COL5A3: variants seen among roughly 807,000 people sequenced by gnomAD.
COL5A3 encodes the protein collagen type V alpha 3 chain.
A neutral mutation model predicts 250.0 loss-of-function variants in COL5A3; 172 were observed. That is an observed-to-expected ratio of 0.69 (90% CI 0.61 to 0.78). The LOEUF is 0.78. Ranked by LOEUF, COL5A3 falls within the 30% of genes least tolerant of loss-of-function variation. COL5A3 has a pLI of 0.00. For missense variants in COL5A3, 2,340 were observed against 2,334.4 expected, an observed-to-expected ratio of 1.00 and a Z score of -0.05; for synonymous variants, 937 against 900.4, an observed-to-expected ratio of 1.04 and a Z score of -0.73.
intron 52 of COL5A3, 87 bp downstream of exon 52, chr19:9,971,118 C>A: frequency 7.1e-7 from 1 of 1,406,726 alleles, no homozygotes; most frequent in African/African-American, 1.5e-5. Context: ...GTTTTTGGTT[C>A]CACTGTCAGT....
rs2087496614 is a variant in COL5A3, at chr19:10,009,575, T to A, written c.88+723A>T. On this transcript the variant is annotated intron_variant, in intron 1 of 66. Transcript: ENST00000264828. The surrounding 1 kb of genome is among the most constrained non-coding windows in gnomAD (Gnocchi z 4.4). ...CACCGCGGCCCTCCCCGAAGCCCTG[T>A]CCATGGTGCTGATCGCGGCTCTGGG... 6.6e-6 allele frequency among the ~76,000 whole-genome samples: 1 copy of A among 151,940 alleles called. No individual in the cohort carries two copies. Among genetic ancestry groups the A allele is most frequent in the Admixed American group, 6.5e-5 (1 of 15,274 alleles).
chr19:9,980,454 T>C (rs1465255149), intron 35 of COL5A3, among the ~76,000 whole-genome samples, 194 bp downstream of exon 35: 1 of 152,104 alleles, frequency 6.6e-6, no homozygotes, highest in Non-Finnish European at 1.5e-5. Context: ...TTCCAACTCC[T>C]GGGCTCAAGC....
chr19:9,980,159 A>T lies in COL5A3; in HGVS notation c.2605-112T>A, dbSNP rs1251414010. On this transcript the variant is annotated intron_variant, in intron 35 of 66. Coordinates refer to ENST00000264828, the MANE Select transcript of COL5A3 (RefSeq NM_015719.4). ...ACATATTGAGTGCTTACTGCATGCC[A>T]GGCATGGGCAGGGCATTCTCCACAA... The T allele has an allele frequency of 2.4e-5, 24 of 1,000,626 alleles. 1 individual carries two copies. Among genetic ancestry groups the T allele is most frequent in the African/African-American group, 3.3e-5 (2 of 60,304 alleles). 62.0% of individuals were successfully genotyped at this position (1,000,626 alleles called of 1,614,324 possible).
chr19:10,008,884 G>A (rs2087481886), intron 1 of COL5A3, among the ~76,000 whole-genome samples: 1 of 152,108 alleles, frequency 6.6e-6, no homozygotes, highest in Non-Finnish European at 1.5e-5. Context: ...GGTTGTGAAT[G>A]TTGACAGTGT....
At position 9,973,611 on chromosome 19, in the gene COL5A3, C is replaced by T; in HGVS notation, c.3625G>A (p.Asp1209Asn). 6.2e-7 allele frequency: 1 copy of T among 1,612,980 alleles called. No individual in the cohort carries two copies. The highest frequency in any genetic ancestry group is 1.1e-5 in the South Asian group (1 of 90,882). ...GAVGEKGERG[D>N]AGDPGPPGAP... ...CCTGGAGGCCCTGGGTCTCCAGCGT[C>T]CCCTCGCTCACCCTGCAGGAGGCAA... Residue 1209 changes from aspartate to asparagine, a missense_variant, in exon 50 of 67, where the codon GAC (aspartate) becomes AAC (asparagine). By Grantham distance (23) the Asp-to-Asn change is conservative. Coordinates refer to ENST00000264828, the MANE Select transcript of COL5A3 (RefSeq NM_015719.4).
At chr19:9,966,797 A>G (rs1398238335) in intron 62 of COL5A3, 51 bp from the exon 63 acceptor site, 6 of 1,395,694 alleles carry the variant, frequency 4.3e-6, no homozygotes, top group African/African-American at 1.4e-5. Context: ...GGGGAGGGAG[A>G]GAGAGGGAGA....
chr19:9,986,899 G>T (rs2087108607), intron 27 of COL5A3, 141 bp from the exon 28 acceptor site: 2 of 915,006 alleles, frequency 2.2e-6, no homozygotes, highest in African/African-American at 1.7e-5. Flanking sequence ...CAGAAGAAAT[G>T]ATCTTTCCCC....
chr19:9,961,461 C>T (rs753216539), intron 65 of COL5A3, among the ~76,000 whole-genome samples: 5 of 151,952 alleles, frequency 3.3e-5, no homozygotes, highest in African/African-American at 4.8e-5. Context: ...ATCTCCTGAG[C>T]TCAAGTCATC....
intron 27 of COL5A3, among the ~76,000 whole-genome samples, chr19:9,987,023 A>G (rs1449158625): frequency 1.3e-5 from 2 of 152,196 alleles, no homozygotes; most frequent in African/African-American, 2.4e-5. Flanking sequence ...CTTTGTCCAC[A>G]GTTCCTTCTG....
At chr19:9,972,640 A>C (rs996489574) in intron 51 of COL5A3, among the ~76,000 whole-genome samples, 5 of 152,090 alleles carry the variant, frequency 3.3e-5, no homozygotes, top group African/African-American at 1.2e-4. Flanking sequence ...GATCGAGACC[A>C]TCCTGGCCAA....
rs754662419 is a variant in COL5A3 at position 9,960,495 on chromosome 19, G to A, written c.5154C>T (p.Pro1718=). ...AGTCAGTGGCCGCCACATCCCACAG[G>A]GGCAGAAATCCCGCTCGAGAAGAGC... ...EFSSSRAGFL[P]LWDVAATDFG... Residue 1718 remains proline, a synonymous_variant, in exon 67 of 67, where the codon CCC becomes CCT. Transcript: ENST00000264828. The A allele has an allele frequency of 3.1e-6, 5 of 1,614,190 alleles. No individual in the cohort carries two copies. In the South Asian group the frequency reaches 4.4e-5, roughly 14 times the overall value.
rs376339665 is a variant in COL5A3 at position 9,991,182 on chromosome 19, C to T, written c.1992+428G>A. Among the ~76,000 whole-genome samples the T allele has an allele frequency of 4.6e-5, 7 of 152,322 alleles. 1 individual carries two copies. The East Asian group carries it at 5.8e-4, about 13-fold the overall frequency. ...ACCTCGCCTGGGGAAGTCAAGGCTG[C>T]AGTGAGGCATTATTGAGCCACTGCA... On this transcript the variant is annotated intron_variant, in intron 24 of 66. Transcript: ENST00000264828.
In COL5A3 at chr19:9,983,604, AAGAG is replaced by A. The variant is rs1157519587; in HGVS notation, c.2407-1490_2407-1487del. 1.3e-4 allele frequency among the ~76,000 whole-genome samples: 13 copies of A among 99,838 alleles called. No homozygotes were observed. In the East Asian group the frequency reaches 3.9e-3, roughly 30 times the overall value. The allele number at this position is 99,838 out of a possible 152,430, so 65.5% of individuals were successfully genotyped here. A position where few individuals can be genotyped will look rare whatever the true frequency, so the allele number is the denominator to read the frequency against. Reference sequence around the variant, plus strand: ...AGAAAGAAAGAAAGAAAGAAAGAGAAAGAGAGAGAGAGAGAAAGAAAGAAAGAAG... The same window carrying A: ...AGAAAGAAAGAAAGAAAGAAAGAGAAAGAGAGAGAGAAAGAAAGAAAGAAG... On this transcript the variant is annotated intron_variant, in intron 31 of 66. Transcript: ENST00000264828.
intron 64 of COL5A3, among the ~76,000 whole-genome samples, chr19:9,964,583 G>A (rs906856111): frequency 6.6e-6 from 1 of 152,090 alleles, no homozygotes; most frequent in Non-Finnish European, 1.5e-5. Flanking sequence ...TAGCCTGGGT[G>A]ACAGAGTGAG....
chr19:9,990,310 C>T (rs1020607173), intron 24 of COL5A3, among the ~76,000 whole-genome samples: 15 of 148,980 alleles, frequency 1.0e-4, no homozygotes, highest in Non-Finnish European at 1.3e-4. Flanking sequence ...GGCAGAATCA[C>T]TTGAACCCGG....
chr19:9,983,732 A>T (rs2087054605), intron 31 of COL5A3, among the ~76,000 whole-genome samples: 1 of 150,470 alleles, frequency 6.6e-6, no homozygotes, highest in Admixed American at 6.6e-5. Context: ...AAGAAAAAAG[A>T]GGGGGACGCA....
In COL5A3 at chr19:9,974,881, TTTTG is replaced by T. The variant is rs554414499; in HGVS notation, c.3343-477_3343-474del. Among the ~76,000 whole-genome samples the T allele has an allele frequency of 4.5e-3, 681 of 152,004 alleles. 1 individual carries two copies. Among genetic ancestry groups the T allele is most frequent in the Non-Finnish European group, 5.9e-3 (401 of 67,964 alleles). On this transcript the variant is annotated intron_variant, in intron 45 of 66. Transcript: ENST00000264828. Reference sequence around the variant, plus strand: ...ATAAGGCTTTTGTTTGTTTGTTTGTTTTTGTTTGTTTGTTTTTGTTTTTTGTTTT... The same window carrying T: ...ATAAGGCTTTTGTTTGTTTGTTTGTTTTTGTTTGTTTTTGTTTTTTGTTTT...
In COL5A3 at chr19:9,966,642, T is replaced by A; in HGVS notation, c.4563A>T (p.Thr1521=). The change falls in exon 63 of 67, where the codon ACA becomes ACT. Residue 1521 remains threonine, a synonymous_variant. Coordinates refer to ENST00000264828, the MANE Select transcript of COL5A3 (RefSeq NM_015719.4). ...GCTGCTCCAGCTCCAAGCTCAGCGA[T>A]GTGAGCGAGGCCAGCACCTCCTCCA... ...GGLEEVLASL[T]SLSLELEQLR... is the part of the protein sequence containing the mutation. 6.5e-7 allele frequency: 1 copy of A among 1,538,412 alleles called. No homozygotes were observed. Among genetic ancestry groups the A allele is most frequent in the South Asian group, 1.2e-5 (1 of 84,084 alleles).
intron 27 of COL5A3, among the ~76,000 whole-genome samples, chr19:9,987,971 A>T (rs1027416826): frequency 1.3e-5 from 2 of 152,190 alleles, no homozygotes; most frequent in Non-Finnish European, 2.9e-5. Context: ...GTGGTGGCTC[A>T]TGCCTGTAAT....
Sources: allele counts gnomAD v4.1 joint callset (sites outside exome capture counted in the v4.1 genomes callset), GRCh38; gene constraint gnomAD v4.1.1; non-coding constraint Gnocchi (gnomAD v3.1); transcripts MANE v1.5; gene names NCBI Gene and HGNC (gene_info 2026-07-23, HGNC 2026-07-21).